ZC3H18: variants seen among roughly 807,000 people sequenced by gnomAD.
The protein encoded by ZC3H18 is zinc finger CCCH domain-containing protein 18.
ZC3H18 carries 8 observed loss-of-function variants against 106.1 expected under a neutral mutation model. The observed-to-expected ratio is 0.08, with a 90% CI of 0.04 to 0.14. The LOEUF (loss-of-function observed/expected upper bound fraction) is 0.14. Ranked by LOEUF, ZC3H18 falls within the 10% of genes least tolerant of loss-of-function variation. The pLI, the probability that ZC3H18 is intolerant of heterozygous loss-of-function variation, is 1.00. For synonymous variants in ZC3H18, 635 were observed against 522.1 expected (o/e 1.22, Z -2.95); for missense variants, 1,318 against 1,278.4 (o/e 1.03, Z -0.47).
Position 88,614,751 on chromosome 16 carries a change from CCTT to C in ZC3H18, c.1475+3220_1475+3222del, listed in dbSNP as rs1479285271. Reference sequence around the variant, plus strand: ...CGTCATTGACCTTGACATTGTGCCGCCTTCTTCAGCCTTTCAAGCCCTTTTGGA... The same window carrying C: ...CGTCATTGACCTTGACATTGTGCCGCCTTCAGCCTTTCAAGCCCTTTTGGA... On this transcript the variant is annotated intron_variant, in intron 8 of 17. Transcript: ENST00000301011. Among the ~76,000 whole-genome samples, 5 of 152,372 alleles carry C rather than the reference CCTT, an allele frequency of 3.3e-5. No homozygotes were observed. In the South Asian group the frequency reaches 8.3e-4, roughly 25 times the overall value.
intron 2 of ZC3H18, among the ~76,000 whole-genome samples, chr16:88,583,270 A>T (rs1915242426): frequency 6.6e-6 from 1 of 152,278 alleles, no homozygotes; most frequent in African/African-American, 2.4e-5. Flanking sequence ...CACAAAGAAG[A>T]AAGCGAAAAT....
At position 88,631,421 on chromosome 16, in the gene ZC3H18, G is replaced by A. The variant is rs1157206687; in HGVS notation, c.*122G>A. 3 of 1,360,216 alleles carry A rather than the reference G, an allele frequency of 2.2e-6. No individual in the cohort carries two copies. In the Admixed American group the frequency reaches 7.1e-5, roughly 32 times the overall value. 84.3% of individuals were successfully genotyped at this position (1,360,216 alleles called of 1,614,324 possible). ...TTTAAAAAGTAAAAAAGAAAAAAAA[G>A]TTTCTCAGCTGGAAAAGAAGCCACA... On this transcript the variant is annotated 3_prime_UTR_variant, in exon 18 of 18. Transcript: ENST00000301011.
At chr16:88,626,819 C>G (rs1906340705) in intron 13 of ZC3H18, 1 of 152,370 alleles carries the variant, frequency 6.6e-6, no homozygotes, top group South Asian at 2.1e-4. Context: ...AGGTGCCAGT[C>G]CTGTGTGCTT....
intron 2 of ZC3H18, among the ~76,000 whole-genome samples, chr16:88,579,061 C>T (rs756181108): frequency 2.6e-5 from 4 of 152,174 alleles, no homozygotes; most frequent in African/African-American, 7.2e-5. Context: ...TTCCGGCCAT[C>T]GCTGCTCTCT....
intron 3 of ZC3H18, among the ~76,000 whole-genome samples, chr16:88,596,926 TTTG>T (rs1253727999): frequency 2.0e-5 from 3 of 152,182 alleles, no homozygotes; most frequent in African/African-American, 4.8e-5. Context: ...TCTTTTGTTT[TTTG>T]TTGTTGTTTT....
At chr16:88,603,906 T>A (rs12930332) in intron 6 of ZC3H18, among the ~76,000 whole-genome samples, 1 of 151,840 alleles carries the variant, frequency 6.6e-6, no homozygotes, top group East Asian at 2.0e-4. Context: ...GTGCTGGGAT[T>A]ACAGGCGTGA....
At chr16:88,630,982 C>A in intron 17 of ZC3H18, 119 bp from the exon 18 acceptor site, 2 of 1,274,862 alleles carry the variant, frequency 1.6e-6, no homozygotes, top group East Asian at 2.4e-5. Context: ...ATCCAGGGAG[C>A]CCCTTGCCTG....
At chr16:88,575,621 T>G (rs1914699595) in intron 1 of ZC3H18, among the ~76,000 whole-genome samples, 1 of 152,054 alleles carries the variant, frequency 6.6e-6, no homozygotes, top group African/African-American at 2.4e-5. Context: ...TTCTATGAGT[T>G]TTTGAGGAGG....
At chr16:88,598,041 A>C in intron 3 of ZC3H18, 137 bp from the exon 4 acceptor site, 23 of 620,170 alleles carry the variant, frequency 3.7e-5, no homozygotes, top group East Asian at 1.1e-4. Context: ...CTCCCCGTTC[A>C]GTTCCCACTA....
At chr16:88,605,904 C>G (rs766331974) in intron 6 of ZC3H18, among the ~76,000 whole-genome samples, 5 of 152,246 alleles carry the variant, frequency 3.3e-5, no homozygotes, top group African/African-American at 1.2e-4. Flanking sequence ...GTTCTCCTCT[C>G]CAGCGAGGAG....
Position 88,624,678 on chromosome 16 carries a change from C to T in ZC3H18, c.1975C>T (p.Pro659Ser). The T allele has an allele frequency of 6.2e-7, 1 of 1,613,906 alleles. No homozygotes were observed. The highest frequency in any genetic ancestry group is 8.5e-7 in the Non-Finnish European group (1 of 1,179,978). The change falls in exon 12 of 18, where the codon CCC becomes TCC. Residue 659 changes from proline to serine, a missense_variant. By Grantham distance (74) the Pro-to-Ser change is moderately conservative. This residue lies in a region of ZC3H18 where 848 missense variants were observed against 821.7 expected (regional missense o/e 1.03). Coordinates refer to ENST00000301011, the MANE Select transcript of ZC3H18 (RefSeq NM_144604.4). ...CAAAACCACTGCTCCTGTCCCCGAG[C>T]CCACCAAGCCAGGAGACCCTCGGGA... Reference protein sequence around the residue: ...ATKTTAPVPEPTKPGDPREAR... With the variant: ...ATKTTAPVPESTKPGDPREAR...
At chr16:88,580,663 G>T (rs1002091099) in intron 2 of ZC3H18, among the ~76,000 whole-genome samples, 1 of 152,034 alleles carries the variant, frequency 6.6e-6, no homozygotes, top group Admixed American at 6.6e-5. Flanking sequence ...CTGCATTCCT[G>T]CCCCGCGCCC....
At chr16:88,623,485 G>A (rs1400835787) in intron 10 of ZC3H18, 141 bp downstream of exon 10, 9 of 1,151,880 alleles carry the variant, frequency 7.8e-6, no homozygotes, top group East Asian at 5.1e-5. Context: ...TGGCCAGGGG[G>A]TCGTGTCCTG....
intron 8 of ZC3H18, among the ~76,000 whole-genome samples, chr16:88,614,521 G>A (rs914817196): frequency 6.6e-6 from 1 of 152,232 alleles, no homozygotes; most frequent in African/African-American, 2.4e-5. Flanking sequence ...GCAAGTGCCA[G>A]TTTTGACTGT....
At chr16:88,577,013 C>G in intron 1 of ZC3H18, 97 bp from the exon 2 acceptor site, 1 of 1,315,206 alleles carries the variant, frequency 7.6e-7, no homozygotes, top group Non-Finnish European at 1.0e-6. Context: ...TGGGACCAAG[C>G]AGGATGGAAG....
intron 15 of ZC3H18, 63 bp from the exon 16 acceptor site, chr16:88,628,672 TGGCAAGGAACCCATGTCCTCTGG>T (rs1906470068): frequency 4.1e-6 from 6 of 1,451,310 alleles, no homozygotes; most frequent in Non-Finnish European, 5.8e-6. Context: ...AGCAGGTTGC[TGGCAAGGAACCCATGTCCTCTGG>T]GGCGAGGACA....
intron 3 of ZC3H18, among the ~76,000 whole-genome samples, chr16:88,597,634 G>T (rs528361402): frequency 6.6e-6 from 1 of 152,202 alleles, no homozygotes; most frequent in Non-Finnish European, 1.5e-5. Flanking sequence ...TATGAGCAAA[G>T]TGTAAAAGCC....
chr16:88,582,649 G>A (rs1044404543), intron 2 of ZC3H18, among the ~76,000 whole-genome samples: 4 of 152,192 alleles, frequency 2.6e-5, no homozygotes, highest in Admixed American at 6.5e-5. Context: ...AAAGGGCCCC[G>A]TAGCATCAGT....
intron 6 of ZC3H18, among the ~76,000 whole-genome samples, chr16:88,607,240 C>T (rs1160153037): frequency 6.6e-5 from 10 of 152,162 alleles, no homozygotes; most frequent in Admixed American, 3.3e-4. Flanking sequence ...TTCTGGCCGC[C>T]GGTTTTCATG....
Sources: gnomAD v4.1 joint callset for allele counts (sites outside exome capture counted in the v4.1 genomes callset) on GRCh38, gnomAD v4.1.1 for gene constraint, gnomAD v4.1.1 regional missense constraint, MANE v1.5 for transcripts, NCBI Gene and HGNC (gene_info 2026-07-23, HGNC 2026-07-21) for gene names.